PTPRT: variants seen among roughly 807,000 people sequenced by gnomAD.
PTPRT encodes the protein receptor-type tyrosine-protein phosphatase T.
Under a neutral mutation model 176.8 loss-of-function variants are expected in PTPRT, and 56 were observed. The ratio of observed to expected loss-of-function variants is 0.32; its 90% CI spans 0.26 to 0.40. PTPRT has a LOEUF of 0.40. Among genes scored for constraint, PTPRT ranks in the 10% least tolerant of loss-of-function variants. The pLI is 1.00. For synonymous variants in PTPRT, 783 were observed against 739.0 expected, an observed-to-expected ratio of 1.06 and a Z score of -0.96; for missense variants, 1,540 against 1,908.2, an observed-to-expected ratio of 0.81 and a Z score of 3.60.
At chr20:43,180,688 A>C (rs117445479) in intron 1 of PTPRT, among the ~76,000 whole-genome samples, 6,479 of 152,098 alleles carry the variant, frequency 0.043, 193 homozygotes, top group Non-Finnish European at 0.066. Context: ...GTCTCGAACT[A>C]CTAACCTCAG....
At chr20:42,827,823 T>A (rs1180708440) in intron 2 of PTPRT, among the ~76,000 whole-genome samples, 2 of 152,190 alleles carry the variant, frequency 1.3e-5, no homozygotes, top group African/African-American at 4.8e-5. Flanking sequence ...AAAAAGGACA[T>A]GTTTGCTTCC....
At position 42,645,762 on chromosome 20, in the gene PTPRT, T is replaced by TTGTGTGTGTG. The variant is rs1324109060; in HGVS notation, c.1153+32103_1153+32104insCACACACACA. Among the ~76,000 whole-genome samples, 624 of 127,918 alleles carry TTGTGTGTGTG rather than the reference T, an allele frequency of 4.9e-3. 11 individuals are homozygous for TTGTGTGTGTG. The highest frequency in any genetic ancestry group is 0.018 in the African/African-American group (562 of 31,772). 83.9% of individuals were successfully genotyped at this position (127,918 alleles called of 152,430 possible). A position where few individuals can be genotyped will look rare whatever the true frequency, so the allele number is the denominator to read the frequency against. On this transcript the variant is annotated intron_variant, in intron 7 of 30. Coordinates refer to ENST00000373187, the MANE Select transcript of PTPRT (RefSeq NM_007050.6). ...TGTATGTTTCAGATGGGATGTGTATTTATGTGTGTGTGTGTGTGTGTGTGT... is the reference window on the plus strand; with the variant it reads ...TGTATGTTTCAGATGGGATGTGTATTTGTGTGTGTGTATGTGTGTGTGTGTGTGTGTGTGT...
At chr20:42,876,436 T>A (rs533815086) in intron 2 of PTPRT, among the ~76,000 whole-genome samples, 1 of 152,272 alleles carries the variant, frequency 6.6e-6, no homozygotes, top group East Asian at 1.9e-4. Context: ...CACACATTCA[T>A]GAGAGTGTGC....
At chr20:42,752,314 T>G (rs2076780250) in intron 6 of PTPRT, among the ~76,000 whole-genome samples, 1 of 152,222 alleles carries the variant, frequency 6.6e-6, no homozygotes, top group South Asian at 2.1e-4. Flanking sequence ...CTACATCCAT[T>G]ATCACATGTC....
At chr20:42,610,300 G>A (rs1199690487) in intron 7 of PTPRT, among the ~76,000 whole-genome samples, 1 of 152,096 alleles carries the variant, frequency 6.6e-6, no homozygotes, top group Non-Finnish European at 1.5e-5. Context: ...TGGCTTAAAT[G>A]AAGGCTCAGT....
At chr20:43,161,400 G>C in intron 1 of PTPRT, among the ~76,000 whole-genome samples, 1 of 152,024 alleles carries the variant, frequency 6.6e-6, no homozygotes. Flanking sequence ...GAAGTTATAC[G>C]GTCATTAATA....
At chr20:42,728,405 T>C (rs1600669361) in intron 6 of PTPRT, among the ~76,000 whole-genome samples, 1 of 152,148 alleles carries the variant, frequency 6.6e-6, no homozygotes, top group South Asian at 2.1e-4. Context: ...AATTACATTA[T>C]CATCTTGCAA....
At chr20:42,515,407 C>T (rs538640829) in intron 7 of PTPRT, among the ~76,000 whole-genome samples, 9 of 152,140 alleles carry the variant, frequency 5.9e-5, no homozygotes, top group Non-Finnish European at 1.3e-4. Flanking sequence ...TGCTTGAACT[C>T]AGGAGGGTGT....
At chr20:42,363,012 G>A (rs1259071833) in intron 9 of PTPRT, among the ~76,000 whole-genome samples, 1 of 143,660 alleles carries the variant, frequency 7.0e-6, no homozygotes, top group Non-Finnish European at 1.5e-5. Context: ...GCTGAGGCAG[G>A]AGAATCACTT....
chr20:42,551,139 C>T (rs1420026448), intron 7 of PTPRT, among the ~76,000 whole-genome samples: 2 of 151,934 alleles, frequency 1.3e-5, no homozygotes, highest in African/African-American at 2.4e-5. Context: ...CATTGTTGAC[C>T]CTCAACAAAT....
chr20:42,980,136 C>T (rs1359827168), intron 1 of PTPRT, among the ~76,000 whole-genome samples: 3 of 152,052 alleles, frequency 2.0e-5, no homozygotes, highest in Non-Finnish European at 4.4e-5. Context: ...TATTTCCAAA[C>T]GAAGTCATTT....
At chr20:42,410,510 A>G (rs2059004459) in intron 9 of PTPRT, among the ~76,000 whole-genome samples, 1 of 152,176 alleles carries the variant, frequency 6.6e-6, no homozygotes, top group African/African-American at 2.4e-5. Context: ...CCAGTAATTG[A>G]TAGAACAAGT....
At chr20:42,275,481 C>A (rs1184695302) in intron 13 of PTPRT, among the ~76,000 whole-genome samples, 1 of 152,150 alleles carries the variant, frequency 6.6e-6, no homozygotes, top group Non-Finnish European at 1.5e-5. Context: ...TCCCAAGGTA[C>A]ATGCTTGAAT....
At chr20:42,081,812 A>T (rs910143854) in intron 30 of PTPRT, 70 bp downstream of exon 30, 11 of 1,557,570 alleles carry the variant, frequency 7.1e-6, no homozygotes, top group Non-Finnish European at 9.7e-6. Context: ...TTACTATTTG[A>T]TGTCATTTTC....
chr20:42,233,103 G>A (rs1420920818), intron 15 of PTPRT, among the ~76,000 whole-genome samples: 8 of 152,114 alleles, frequency 5.3e-5, no homozygotes, highest in African/African-American at 1.9e-4. Flanking sequence ...GTCAGTTCCT[G>A]GGCCTCAGCC....
chr20:42,243,681 G>T (rs533740316), intron 14 of PTPRT, among the ~76,000 whole-genome samples: 67 of 152,296 alleles, frequency 4.4e-4, no homozygotes, highest in African/African-American at 1.5e-3. Flanking sequence ...TCCAGGATTT[G>T]CTTATTTCCT....
intron 9 of PTPRT, among the ~76,000 whole-genome samples, chr20:42,440,057 C>T (rs1414838962): frequency 3.3e-5 from 5 of 152,126 alleles, no homozygotes; most frequent in Admixed American, 3.3e-4. Flanking sequence ...CAGGCATGCG[C>T]CACCACAAGC....
intron 16 of PTPRT, among the ~76,000 whole-genome samples, chr20:42,184,589 T>TTCTTCTTCTTCC (rs1568652449): frequency 2.8e-5 from 4 of 143,568 alleles, no homozygotes; most frequent in Non-Finnish European, 6.0e-5. Context: ...CTTCTTCTTC[T>TTCTTCTTCTTCC]TCTTCCTCTT....
At chr20:42,778,046 A>G (rs2077162168) in intron 4 of PTPRT, among the ~76,000 whole-genome samples, 1 of 152,204 alleles carries the variant, frequency 6.6e-6, no homozygotes, top group East Asian at 1.9e-4. Flanking sequence ...ACTGGCTTTC[A>G]GCAATTTCAT....
Sources: gnomAD v4.1 joint callset for allele counts (sites outside exome capture counted in the v4.1 genomes callset) on GRCh38, gnomAD v4.1.1 for gene constraint, MANE v1.5 for transcripts, NCBI Gene and HGNC (gene_info 2026-07-23, HGNC 2026-07-21) for gene names.